FREM3: variants seen among roughly 807,000 people sequenced by gnomAD.
FREM3 encodes FRAS1 related extracellular matrix 3.
A neutral mutation model predicts 129.1 loss-of-function variants in FREM3; 105 were observed. That is an observed-to-expected ratio of 0.81 (90% CI 0.69 to 0.96). The LOEUF is 0.96. Ranked by LOEUF, FREM3 falls within the 40% of genes least tolerant of loss-of-function variation. The pLI is 0.00. For synonymous variants in FREM3, 1,014 were observed against 1,044.9 expected (o/e 0.97, Z 0.57); for missense variants, 2,593 against 2,666.3 (o/e 0.97, Z 0.61).
At chr4:143,663,198 G>T (rs1237564870) in intron 2 of FREM3, among the ~76,000 whole-genome samples, 1 of 151,960 alleles carries the variant, frequency 6.6e-6, no homozygotes, top group African/African-American at 2.4e-5. Context: ...TTACATTTTG[G>T]CATGATTTTG....
intron 5 of FREM3, among the ~76,000 whole-genome samples, chr4:143,617,743 C>G (rs1030917643): frequency 1.3e-5 from 2 of 152,174 alleles, no homozygotes; most frequent in African/African-American, 4.8e-5. Context: ...CTCCTTGAGG[C>G]CTTTCTCCTT....
intron 2 of FREM3, among the ~76,000 whole-genome samples, chr4:143,677,077 A>C (rs1409132694): frequency 6.6e-6 from 1 of 152,238 alleles, no homozygotes; most frequent in Non-Finnish European, 1.5e-5. Context: ...AAGAGCCCGC[A>C]TTGCCAAGTC....
chr4:143,615,698 G>A (rs1738830507), intron 5 of FREM3, among the ~76,000 whole-genome samples: 1 of 135,036 alleles, frequency 7.4e-6, no homozygotes, highest in South Asian at 2.5e-4. Context: ...AGGGAATATC[G>A]TCAAGTGTCA....
At chr4:143,625,866 C>CG (rs1322874396) in intron 3 of FREM3, among the ~76,000 whole-genome samples, 1 of 152,094 alleles carries the variant, frequency 6.6e-6, no homozygotes, top group African/African-American at 2.4e-5. Context: ...TGAGCATTGG[C>CG]GGTATGCCAA....
chr4:143,619,829 T>C (rs917690727), intron 5 of FREM3, among the ~76,000 whole-genome samples: 50 of 152,004 alleles, frequency 3.3e-4, no homozygotes, highest in African/African-American at 1.2e-3. Flanking sequence ...TACTAAATGA[T>C]TAGTGCACCA....
intron 2 of FREM3, among the ~76,000 whole-genome samples, chr4:143,629,059 G>A (rs989655382): frequency 2.0e-5 from 3 of 152,024 alleles, no homozygotes; most frequent in Admixed American, 6.6e-5. Context: ...TTGCACAGGC[G>A]GTAAGAGACA....
chr4:143,673,479 G>A (rs538790171), intron 2 of FREM3, among the ~76,000 whole-genome samples: 8 of 152,314 alleles, frequency 5.3e-5, no homozygotes, highest in South Asian at 2.1e-4. Flanking sequence ...GTACCCGGCC[G>A]TGTGAGGTGT....
rs764928656 is a variant in FREM3, at chr4:143,698,885, C to T, written c.1791G>A (p.Trp597Ter). 10 of 1,537,406 alleles carry T rather than the reference C, an allele frequency of 6.5e-6. No homozygotes were observed. The Middle Eastern group carries it at 8.3e-4, about 128-fold the overall frequency. The part of the protein sequence containing the change: ...PLKGNEEEPQ[W>*]ELAPGSSHSG... ...AGTGGGAGGAACCAGGGGCCAACTC[C>T]CACTGAGGCTCTTCCTCATTTCCTT... Residue 597 changes from tryptophan (W) to a stop codon, truncating the protein, a stop_gained, in exon 1 of 8, where the codon TGG (tryptophan) becomes TGA (stop). Coordinates refer to ENST00000329798, the MANE Select transcript of FREM3 (RefSeq NM_001168235.2). LOFTEE classifies it high-confidence loss of function.
In FREM3 at chr4:143,700,107, C is replaced by T. The variant is rs758052178; in HGVS notation, c.569G>A (p.Arg190Lys). ...CAGGGAGGCGAAGTCCAGCACTCTC[C>T]TGTCTATGGCGCGGCTCCAGCTTCG... ...KLRSWSRAID[R>K]RVLDFASLKS... The change falls in exon 1 of 8, where the codon AGG becomes AAG. Residue 190 changes from arginine to lysine, a missense_variant. Coordinates refer to ENST00000329798, the MANE Select transcript of FREM3 (RefSeq NM_001168235.2). 2.4e-5 allele frequency: 37 copies of T among 1,536,888 alleles called. No homozygotes were observed. Among genetic ancestry groups the T allele is most frequent in the Non-Finnish European group, 3.0e-5 (34 of 1,146,830 alleles).
chr4:143,617,556 G>A (rs1348538346), intron 5 of FREM3, among the ~76,000 whole-genome samples: 1 of 152,182 alleles, frequency 6.6e-6, no homozygotes, highest in Non-Finnish European at 1.5e-5. Flanking sequence ...CTTCATGTTT[G>A]TTGCGTTTGG....
intron 2 of FREM3, among the ~76,000 whole-genome samples, chr4:143,647,697 A>G (rs1287646550): frequency 2.0e-5 from 3 of 152,158 alleles, no homozygotes; most frequent in African/African-American, 7.2e-5. Flanking sequence ...GAAGTCAAGA[A>G]TTGGTGTTTG....
At chr4:143,597,568 C>A (rs537018530) in intron 6 of FREM3, among the ~76,000 whole-genome samples, 71 of 152,156 alleles carry the variant, frequency 4.7e-4, no homozygotes, top group Non-Finnish European at 9.6e-4. Context: ...ACATTCAGTA[C>A]AGTTGCAAAA....
At chr4:143,646,848 C>A (rs1481001263) in intron 2 of FREM3, among the ~76,000 whole-genome samples, 1 of 152,018 alleles carries the variant, frequency 6.6e-6, no homozygotes, top group Non-Finnish European at 1.5e-5. Flanking sequence ...GGACAACTGG[C>A]AGAGGTTGGA....
chr4:143,673,038 C>A (rs1740029599), intron 2 of FREM3, among the ~76,000 whole-genome samples: 2 of 152,192 alleles, frequency 1.3e-5, no homozygotes, highest in Non-Finnish European at 2.9e-5. Flanking sequence ...TGGGTTCGAA[C>A]TTCCTCCTTT....
In FREM3 at chr4:143,684,519, T is replaced by A. The variant is rs190725659; in HGVS notation, c.5275+8594A>T. On this transcript the variant is annotated intron_variant, in intron 2 of 7. Transcript: ENST00000329798. Reference sequence around the variant, plus strand: ...GAATCTGAACAGCAGCCTTCAGCCCTAGACCTTCCCTCTGACAGAGGCTAC... The same window carrying A: ...GAATCTGAACAGCAGCCTTCAGCCCAAGACCTTCCCTCTGACAGAGGCTAC... Among the ~76,000 whole-genome samples, 13 of 152,306 alleles carry A rather than the reference T, an allele frequency of 8.5e-5. No individual in the cohort carries two copies. In the East Asian group the frequency reaches 2.3e-3, roughly 27 times the overall value.
At chr4:143,695,455 G>A (rs779735587) in intron 1 of FREM3, 36 bp downstream of exon 1, 1 of 1,481,618 alleles carries the variant, frequency 6.7e-7, no homozygotes, top group Non-Finnish European at 9.0e-7. Flanking sequence ...CAATGAAGGA[G>A]AGGGACAGAA....
At chr4:143,621,233 A>G (rs1738945502) in intron 4 of FREM3, 71 bp from the exon 5 acceptor site, 10 of 1,379,472 alleles carry the variant, frequency 7.2e-6, no homozygotes, top group African/African-American at 1.4e-5. Context: ...ACACCTGAGC[A>G]GAAATGTACA....
chr4:143,611,110 G>A (rs1277235472), intron 6 of FREM3, among the ~76,000 whole-genome samples, 169 bp downstream of exon 6: 3 of 152,170 alleles, frequency 2.0e-5, no homozygotes, highest in Non-Finnish European at 2.9e-5. Context: ...TTTGTCATTG[G>A]TGTTGGTGAT....
chr4:143,596,153 C>A (rs1738479716), intron 6 of FREM3, among the ~76,000 whole-genome samples: 2 of 152,108 alleles, frequency 1.3e-5, no homozygotes, highest in Non-Finnish European at 1.5e-5. Context: ...GGAACATAAT[C>A]ATTTTAGGTA....
Sources: allele counts gnomAD v4.1 joint callset (sites outside exome capture counted in the v4.1 genomes callset), GRCh38; gene constraint gnomAD v4.1.1; transcripts MANE v1.5; gene names NCBI Gene and HGNC (gene_info 2026-07-23, HGNC 2026-07-21).